The following SIPA1L1 variants were observed in gnomAD, a reference collection of about 807,000 sequenced individuals.
The protein encoded by SIPA1L1 is signal-induced proliferation-associated 1-like protein 1.
In SIPA1L1, 26 loss-of-function variants were observed where a neutral mutation model predicts 162.7. That is an observed-to-expected ratio of 0.16 (90% confidence interval 0.12 to 0.22). The LOEUF is 0.22. Ranked by LOEUF, SIPA1L1 falls within the 10% of genes least tolerant of loss-of-function variation. The probability of loss-of-function intolerance (pLI) is 1.00; values close to 1 mark genes in which losing one functional copy is unlikely to be tolerated. For synonymous variants in SIPA1L1, 829 were observed against 837.4 expected (o/e 0.99, Z 0.17); for missense variants, 1,874 against 2,241.0 (o/e 0.84, Z 3.31).
In SIPA1L1 at chr14:71,588,680, G is replaced by A; in HGVS notation, c.808G>A (p.Glu270Lys). Residue 270 changes from glutamate to lysine, a missense_variant, in exon 5 of 24, where the codon GAG becomes AAG. Around this residue, in one of 5 missense-constraint regions of SIPA1L1, gnomAD observed 685 missense variants for 828.0 expected, o/e 0.83. Coordinates refer to ENST00000381232, the MANE Select transcript of SIPA1L1 (RefSeq NM_001386936.1). The surrounding 1 kb of genome is among the most constrained non-coding windows in gnomAD (Gnocchi z 4.3). ...DVIDGPISQR[E>K]NLRLFKEREK... ...AATAGACGGGCCTATCTCACAGAGAGAGAACCTCAGGCTTTTTAAGGAAAG... is the reference window on the plus strand; with the variant it reads ...AATAGACGGGCCTATCTCACAGAGAAAGAACCTCAGGCTTTTTAAGGAAAG... 7 of 1,614,028 alleles carry A rather than the reference G, an allele frequency of 4.3e-6. No homozygotes were observed. The highest frequency in any genetic ancestry group is 5.9e-6 in the Non-Finnish European group (7 of 1,179,972).
At chr14:71,354,545 GC>G (rs2037053094) in intron 2 of SIPA1L1, among the ~76,000 whole-genome samples, 1 of 151,252 alleles carries the variant, frequency 6.6e-6, no homozygotes, top group Admixed American at 6.6e-5. Context: ...CCAAAGTGCT[GC>G]GATTATGGGC....
At chr14:71,405,306 T>C (rs1296484216) in intron 2 of SIPA1L1, among the ~76,000 whole-genome samples, 1 of 152,136 alleles carries the variant, frequency 6.6e-6, no homozygotes, top group Non-Finnish European at 1.5e-5. Flanking sequence ...ACTTGGCTCA[T>C]TGGAAGGCAT....
chr14:71,602,006 A>C (rs1282290203), intron 5 of SIPA1L1, among the ~76,000 whole-genome samples: 1 of 151,796 alleles, frequency 6.6e-6, no homozygotes, highest in South Asian at 2.1e-4. Context: ...TCTTTTCAAA[A>C]AAAACAACTT....
chr14:71,570,231 TTTC>T (rs1410162791), intron 4 of SIPA1L1, among the ~76,000 whole-genome samples: 15 of 152,094 alleles, frequency 9.9e-5, no homozygotes, highest in Non-Finnish European at 1.8e-4. Flanking sequence ...TACTATTTTT[TTTC>T]TTTTTTCTTT....
intron 4 of SIPA1L1, among the ~76,000 whole-genome samples, chr14:71,582,629 A>G (rs780154218): frequency 3.3e-5 from 5 of 152,192 alleles, no homozygotes; most frequent in East Asian, 1.9e-4. Context: ...CAGCTTTATC[A>G]TGTTACATGT....
At chr14:71,401,985 A>T (rs1438850320) in intron 2 of SIPA1L1, among the ~76,000 whole-genome samples, 3 of 152,228 alleles carry the variant, frequency 2.0e-5, no homozygotes, top group African/African-American at 7.2e-5. Flanking sequence ...TGTAAATAAT[A>T]TAAGGTGGAG....
At chr14:71,659,062 G>T (rs1441238363) in intron 9 of SIPA1L1, among the ~76,000 whole-genome samples, 2 of 152,180 alleles carry the variant, frequency 1.3e-5, no homozygotes, top group Non-Finnish European at 2.9e-5. Context: ...TTGTTACAGA[G>T]CAAACTGGAA....
chr14:71,440,639 C>A (rs2044763565), intron 2 of SIPA1L1, among the ~76,000 whole-genome samples: 1 of 83,954 alleles, frequency 1.2e-5, no homozygotes, highest in African/African-American at 4.8e-5. Context: ...ACAGTGAGAA[C>A]CCATCTCAAA....
At position 71,371,037 on chromosome 14, in the gene SIPA1L1, G is replaced by A. The variant is rs539010471; in HGVS notation, c.-465+49856G>A. On this transcript the variant is annotated intron_variant, in intron 2 of 23. Transcript: ENST00000381232. ...AGAGTGGTATTTTGGAGTGAAAAAG[G>A]CCACTAAATGGGGGAAGTTGATCTT... Among the ~76,000 whole-genome samples the A allele has an allele frequency of 2.6e-5, 4 of 152,202 alleles. No homozygotes were observed. The East Asian group carries it at 5.8e-4, about 22-fold the overall frequency.
intron 4 of SIPA1L1, among the ~76,000 whole-genome samples, chr14:71,580,697 T>C (rs1339149068): frequency 1.3e-5 from 2 of 152,210 alleles, no homozygotes; most frequent in African/African-American, 4.8e-5. Flanking sequence ...TTACTTTTTT[T>C]GGTGATTTGA....
At position 71,474,014 on chromosome 14, in the gene SIPA1L1, G is replaced by C. The variant is rs117334423; in HGVS notation, c.-464-38729G>C. Among the ~76,000 whole-genome samples, 266 of 152,222 alleles carry C rather than the reference G, an allele frequency of 1.7e-3. 1 individual carries two copies. Among genetic ancestry groups the C allele is most frequent in the Middle Eastern group, 3.4e-3 (1 of 294 alleles). ...TATGTGGAACTTCCATAGTGCAAAG[G>C]GTCCTGCATTCCCTTGTTTGCTTTC... On this transcript the variant is annotated intron_variant, in intron 2 of 23. Transcript: ENST00000381232.
intron 3 of SIPA1L1, among the ~76,000 whole-genome samples, chr14:71,516,756 T>G (rs1226413264): frequency 6.6e-6 from 1 of 151,954 alleles, no homozygotes; most frequent in South Asian, 2.1e-4. Context: ...GCGGATTGCT[T>G]GAGGTGAGGA....
rs530635894 is a variant in SIPA1L1 at position 71,398,063 on chromosome 14, C to G, written c.-465+76882C>G. Among the ~76,000 whole-genome samples, 6 of 142,404 alleles carry G rather than the reference C, an allele frequency of 4.2e-5. No homozygotes were observed. In the South Asian group the frequency reaches 1.1e-3, roughly 27 times the overall value. The allele number at this position is 142,404 out of a possible 152,430, so 93.4% of individuals were successfully genotyped here. ...CGGAGTCTCGCTCTTTTGCTCAGGCCGGACTGCAGTGGCGCTATCTCTGCT... is the reference window on the plus strand; with the variant it reads ...CGGAGTCTCGCTCTTTTGCTCAGGCGGGACTGCAGTGGCGCTATCTCTGCT... On this transcript the variant is annotated intron_variant, in intron 2 of 23. Coordinates refer to ENST00000381232, the MANE Select transcript of SIPA1L1 (RefSeq NM_001386936.1).
Position 71,609,282 on chromosome 14 carries a change from T to G in SIPA1L1, c.1499-9475T>G, listed in dbSNP as rs1029321569. ...TGGAATAAATTTTTATTTATTTACCTATTTGAGACTGGGTCTTGCTCTGTC... is the reference window on the plus strand; with the variant it reads ...TGGAATAAATTTTTATTTATTTACCGATTTGAGACTGGGTCTTGCTCTGTC... On this transcript the variant is annotated intron_variant, in intron 5 of 23. Transcript: ENST00000381232. 9.2e-5 allele frequency among the ~76,000 whole-genome samples: 14 copies of G among 152,246 alleles called. No homozygotes were observed. The East Asian group carries it at 2.7e-3, about 29-fold the overall frequency.
intron 2 of SIPA1L1, among the ~76,000 whole-genome samples, chr14:71,458,656 A>G (rs577868320): frequency 8.3e-4 from 127 of 152,288 alleles, no homozygotes; most frequent in Middle Eastern, 3.4e-3. Flanking sequence ...TACTAGATGT[A>G]TTATGGGGCT....
At chr14:71,492,924 C>G (rs1418204831) in intron 2 of SIPA1L1, among the ~76,000 whole-genome samples, 2 of 151,998 alleles carry the variant, frequency 1.3e-5, no homozygotes, top group Non-Finnish European at 2.9e-5. Context: ...TTGTGCCCAG[C>G]CAGTAAATGG....
chr14:71,693,422 C>G (rs2081389028), intron 13 of SIPA1L1, among the ~76,000 whole-genome samples: 1 of 152,066 alleles, frequency 6.6e-6, no homozygotes, highest in Non-Finnish European at 1.5e-5. Flanking sequence ...TCACTTGAAC[C>G]TGGGAGGAGG....
intron 14 of SIPA1L1, among the ~76,000 whole-genome samples, chr14:71,699,859 A>G (rs1452337738): frequency 6.6e-6 from 1 of 152,264 alleles, no homozygotes; most frequent in Non-Finnish European, 1.5e-5. Flanking sequence ...CATGAGGCAG[A>G]GTCCTTGATC....
chr14:71,706,204 T>TC (rs2082427042), intron 16 of SIPA1L1, among the ~76,000 whole-genome samples: 1 of 152,118 alleles, frequency 6.6e-6, no homozygotes, highest in African/African-American at 2.4e-5. Context: ...AGAAAGGTTT[T>TC]CTGAGGAAAA....
Sources: gnomAD v4.1 joint callset for allele counts (sites outside exome capture counted in the v4.1 genomes callset) on GRCh38, gnomAD v4.1.1 for gene constraint, gnomAD v4.1.1 regional missense constraint, Gnocchi (gnomAD v3.1) non-coding constraint, MANE v1.5 for transcripts, NCBI Gene and HGNC (gene_info 2026-07-23, HGNC 2026-07-21) for gene names.